Variants in FANCA observed in about 807,000 individuals in gnomAD.
The protein encoded by FANCA is Fanconi anemia group A protein.
In FANCA, 236 loss-of-function variants were observed where a neutral mutation model predicts 194.3. The ratio of observed to expected loss-of-function variants is 1.21; its 90% CI spans 1.09 to 1.35. The LOEUF (loss-of-function observed/expected upper bound fraction) is 1.35, where lower values mean the gene tolerates loss of function less well. Ranked by LOEUF, FANCA falls within the 40% of genes most tolerant of loss-of-function variation. The pLI is 0.00. For missense variants in FANCA, 2,628 were observed against 1,813.9 expected (o/e 1.45, Z -8.15); for synonymous variants, 1,014 against 715.8 (o/e 1.42, Z -6.65).
chr16:89,758,092 G>A (rs1387283237), intron 30 of FANCA, among the ~76,000 whole-genome samples: 2 of 151,982 alleles, frequency 1.3e-5, no homozygotes, highest in African/African-American at 4.8e-5. Flanking sequence ...CCTGACCTGA[G>A]GTAATCCACC....
intron 8 of FANCA, among the ~76,000 whole-genome samples, chr16:89,800,627 G>A (rs998086313): frequency 1.3e-5 from 2 of 152,288 alleles, no homozygotes; most frequent in South Asian, 2.1e-4. Flanking sequence ...CAAAGCTATA[G>A]AATATAGAAA....
chr16:89,808,465 G>A (rs973397280), intron 5 of FANCA, 98 bp from the exon 6 acceptor site: 5 of 1,262,626 alleles, frequency 4.0e-6, no homozygotes, highest in Non-Finnish European at 5.7e-6. Flanking sequence ...GTTCAACTTA[G>A]GTTCTTAACC....
chr16:89,792,499 T>G lies in FANCA; in HGVS notation c.1055A>C (p.His352Pro). The G allele has an allele frequency of 6.2e-7, 1 of 1,613,154 alleles. No homozygotes were observed. ...GCGGTACAGTGAGGTGAGCAGAGGG[T>G]GTGTCCGCGCAAAGCTCCACTCTCT... ...MQREWSFARTHPLLTSLYRRL... is the reference protein window; with the variant it reads ...MQREWSFARTPPLLTSLYRRL... Residue 352 changes from histidine to proline, a missense_variant, in exon 12 of 43, where the codon CAC (histidine) becomes CCC (proline). Physicochemically the swap from His to Pro is moderately conservative, Grantham distance 77. Coordinates refer to ENST00000389301, the MANE Select transcript of FANCA (RefSeq NM_000135.4).
At chr16:89,767,437 G>T (rs2039168124) in intron 26 of FANCA, among the ~76,000 whole-genome samples, 200 bp from the exon 27 acceptor site, 1 of 151,816 alleles carries the variant, frequency 6.6e-6, no homozygotes, top group Admixed American at 6.6e-5. Context: ...GCACCACCTG[G>T]GCTCACTGCA....
At chr16:89,769,733 T>C in intron 26 of FANCA, 104 bp downstream of exon 26, 2 of 1,327,212 alleles carry the variant, frequency 1.5e-6, no homozygotes, top group Non-Finnish European at 2.1e-6. Context: ...TGGTTATCTT[T>C]GGGTGGTATG....
intron 18 of FANCA, among the ~76,000 whole-genome samples, chr16:89,779,457 A>AT (rs1485195992): frequency 2.6e-5 from 4 of 151,990 alleles, no homozygotes; most frequent in Non-Finnish European, 4.4e-5. Context: ...GAAGGCATTG[A>AT]TAAAAAAAAA....
chr16:89,815,789 G>T, intron 2 of FANCA, 88 bp downstream of exon 2: 1 of 1,094,218 alleles, frequency 9.1e-7, no homozygotes, highest in Non-Finnish European at 1.4e-6. Context: ...CGCCGCCTCG[G>T]GTGTTTTCTT....
At position 89,744,883 on chromosome 16, in the gene FANCA, G is replaced by A. The variant is rs1234283076; in HGVS notation, c.3626+76C>T. On this transcript the variant is annotated intron_variant, in intron 36 of 42. Transcript: ENST00000389301. ...CACCGCTTCTCTCAAGCAAGCCAGG[G>A]TGTTTAGGAGATGACCTTGAGCAGG... is the stretch of plus-strand genomic sequence containing the variant. 6.8e-6 allele frequency: 9 copies of A among 1,325,942 alleles called. No homozygotes were observed. In the East Asian group the frequency reaches 1.7e-4, roughly 25 times the overall value. 82.1% of individuals were successfully genotyped at this position (1,325,942 alleles called of 1,614,324 possible).
At chr16:89,741,215 G>C (rs1313703627) in intron 37 of FANCA, among the ~76,000 whole-genome samples, 1 of 152,178 alleles carries the variant, frequency 6.6e-6, no homozygotes, top group Non-Finnish European at 1.5e-5. Flanking sequence ...TAAAATCCTT[G>C]AAGATAAGCC....
intron 20 of FANCA, 68 bp downstream of exon 20, chr16:89,778,733 T>C: frequency 7.1e-7 from 1 of 1,413,632 alleles, no homozygotes; most frequent in Non-Finnish European, 9.9e-7. Context: ...CTACAGAAGA[T>C]CCACAATTCT....
chr16:89,776,101 T>C (rs1162213351), intron 20 of FANCA, among the ~76,000 whole-genome samples: 1 of 151,226 alleles, frequency 6.6e-6, no homozygotes, highest in Non-Finnish European at 1.5e-5. Context: ...AAATTATTTC[T>C]ATTTCTCTCA....
Position 89,803,261 on chromosome 16 carries a change from G to A in FANCA, c.790C>T (p.Gln264Ter), listed in dbSNP as rs1353992080. The change falls in exon 8 of 43, where the codon CAG becomes TAG. Residue 264 changes from glutamine (Q) to a stop codon, truncating the protein, a stop_gained and splice_region_variant. Transcript: ENST00000389301. LOFTEE classifies it high-confidence loss of function. ...RRTVEPEKMPQVTVDVLQRML... is the reference protein window; with the variant it reads ...RRTVEPEKMP The stretch of plus-strand genomic sequence containing the variant: ...CTTCACTTGACTTTTCCTCCTACCT[G>A]CGGCATTTTTTCAGGCTCCACAGTT... The A allele has an allele frequency of 1.2e-6, 2 of 1,613,990 alleles. No individual in the cohort carries two copies. Among genetic ancestry groups the A allele is most frequent in the South Asian group, 1.1e-5 (1 of 91,080 alleles).
chr16:89,784,632 GGCACACAC>G (rs1224643271), intron 15 of FANCA, among the ~76,000 whole-genome samples: 2 of 152,098 alleles, frequency 1.3e-5, no homozygotes, highest in African/African-American at 4.8e-5. Flanking sequence ...TGCCTTGACT[GGCACACAC>G]GCACTCACTG....
chr16:89,742,233 T>G (rs1287297147), intron 37 of FANCA, among the ~76,000 whole-genome samples: 1 of 151,772 alleles, frequency 6.6e-6, no homozygotes, highest in African/African-American at 2.4e-5. Context: ...TGCCTCGGCC[T>G]CCCTAAGTGT....
At position 89,771,731 on chromosome 16, in the gene FANCA, A is replaced by G. The variant is rs767631694; in HGVS notation, c.2098T>C (p.Ser700Pro). The G allele has an allele frequency of 3.7e-6, 6 of 1,613,970 alleles. No homozygotes were observed. The highest frequency in any genetic ancestry group is 1.1e-5 in the South Asian group (1 of 91,090). The change falls in exon 23 of 43, where the codon TCA (serine) becomes CCA (proline). Residue 700 changes from serine (S) to proline (P), a missense_variant. Ser to Pro is a moderately conservative substitution (Grantham distance 74). Coordinates refer to ENST00000389301, the MANE Select transcript of FANCA (RefSeq NM_000135.4). ...HNEDDSSVEI[S>P]KIQLSINTPR... ...GTGTTGATGCTGAGCTGAATCTTTG[A>G]TATCTCAACGCTGCTGTCATCCTCA...
At chr16:89,739,579 C>A in intron 39 of FANCA, 26 bp from the exon 40 acceptor site, 1 of 1,549,358 alleles carries the variant, frequency 6.5e-7, no homozygotes, top group East Asian at 2.4e-5. Flanking sequence ...GTGGCTCAGG[C>A]AACTCTGGAC....
chr16:89,803,157 T>C, intron 8 of FANCA, 102 bp downstream of exon 8: 1 of 1,138,318 alleles, frequency 8.8e-7, no homozygotes, highest in East Asian at 2.3e-5. Flanking sequence ...CGTAAATAGG[T>C]ACAAACAGCA....
chr16:89,795,790 C>T, intron 11 of FANCA, 116 bp downstream of exon 11: 1 of 767,674 alleles, frequency 1.3e-6, no homozygotes, highest in South Asian at 1.4e-5. Flanking sequence ...TGGTTCAAGA[C>T]AGACGTAAAA....
chr16:89,775,318 G>A (rs1435416612), intron 21 of FANCA, among the ~76,000 whole-genome samples: 3 of 152,184 alleles, frequency 2.0e-5, no homozygotes, highest in Admixed American at 6.5e-5. Context: ...CAGGCCAAAA[G>A]AGCCTGACTT....
Sources: allele counts gnomAD v4.1 joint callset (sites outside exome capture counted in the v4.1 genomes callset), GRCh38; gene constraint gnomAD v4.1.1; transcripts MANE v1.5; gene names NCBI Gene and HGNC (gene_info 2026-07-23, HGNC 2026-07-21).